CNTNAP3: variants seen among roughly 807,000 people sequenced by gnomAD.
The protein encoded by CNTNAP3 is contactin-associated protein-like 3.
In CNTNAP3, 36 loss-of-function variants were observed where a neutral mutation model predicts 92.1. The ratio of observed to expected loss-of-function variants is 0.39; its 90% CI spans 0.30 to 0.52. CNTNAP3 has a LOEUF of 0.52. CNTNAP3 is among the 20% of genes least tolerant of loss of function. The pLI is 0.76. For missense variants in CNTNAP3, 534 were observed against 1,069.6 expected (o/e 0.50, Z 6.98); for synonymous variants, 232 against 422.3 (o/e 0.55, Z 5.53).
intron 16 of CNTNAP3, 62 bp downstream of exon 16, chr9:39,103,682 A>C (rs1826523153): frequency 2.0e-6 from 3 of 1,496,798 alleles, no homozygotes; most frequent in Non-Finnish European, 1.8e-6. Flanking sequence ...CATTTTGTTG[A>C]GTTAAAGCTT....
At chr9:39,134,569 C>A (rs966407097) in intron 12 of CNTNAP3, among the ~76,000 whole-genome samples, 7 of 152,066 alleles carry the variant, frequency 4.6e-5, no homozygotes, top group Non-Finnish European at 1.0e-4. Context: ...GGACTACAGG[C>A]ACACACCACC....
At chr9:39,117,054 G>A (rs537532942) in intron 14 of CNTNAP3, among the ~76,000 whole-genome samples, 3 of 151,982 alleles carry the variant, frequency 2.0e-5, no homozygotes, top group South Asian at 2.1e-4. Context: ...GTGCAGTGGC[G>A]CGATCTCGGC....
chr9:39,148,088 G>A (rs1469371435), intron 10 of CNTNAP3, among the ~76,000 whole-genome samples: 7 of 151,964 alleles, frequency 4.6e-5, no homozygotes, highest in Non-Finnish European at 1.0e-4. Flanking sequence ...ATTATATTAA[G>A]TGAGCAAATG....
chr9:39,159,357 T>A (rs1249196024), intron 9 of CNTNAP3: 9 of 136,792 alleles, frequency 6.6e-5, no homozygotes, highest in Admixed American at 5.1e-4. Flanking sequence ...ATATATATAT[T>A]TTAAAAATAT....
rs1327066314 is a variant in CNTNAP3, at chr9:39,065,759, T to C, written c.*8131A>G. On this transcript the variant is annotated 3_prime_UTR_variant, in exon 24 of 24. Coordinates refer to ENST00000297668, the MANE Select transcript of CNTNAP3 (RefSeq NM_033655.5). Reference sequence around the variant, plus strand: ...TTTGTGTGCTTTTTGTCCACTGGCCTAGCACTTTTCGTCATTTTTTCTTAT... The same window carrying C: ...TTTGTGTGCTTTTTGTCCACTGGCCCAGCACTTTTCGTCATTTTTTCTTAT... 1.3e-5 allele frequency among the ~76,000 whole-genome samples: 2 copies of C among 152,258 alleles called. No individual in the cohort carries two copies. The highest frequency in any genetic ancestry group is 4.8e-5 in the African/African-American group (2 of 41,476).
intron 18 of CNTNAP3, among the ~76,000 whole-genome samples, chr9:39,089,793 T>A (rs1362895261): frequency 6.6e-6 from 1 of 152,208 alleles, no homozygotes; most frequent in African/African-American, 2.4e-5. Context: ...GTGACTTTGA[T>A]TGCCTACTGG....
chr9:39,079,637 T>C (rs1361332440), intron 21 of CNTNAP3, among the ~76,000 whole-genome samples: 2 of 145,766 alleles, frequency 1.4e-5, no homozygotes, highest in Non-Finnish European at 3.0e-5. Context: ...CTATATCTGA[T>C]TTTATTTTTT....
chr9:39,086,767 C>T lies in CNTNAP3; in HGVS notation c.3303G>A (p.Gly1101=). The T allele has an allele frequency of 1.2e-6, 2 of 1,610,964 alleles. No homozygotes were observed. Among genetic ancestry groups the T allele is most frequent in the South Asian group, 2.2e-5 (2 of 90,918 alleles). ...FTFDFKNMAD[G]QLHQVKINRE... ...TGTTAATCTTCACTTGGTGAAGTTGCCCATCAGCCATGTTTTTAAAATCAA... is the reference window on the plus strand; with the variant it reads ...TGTTAATCTTCACTTGGTGAAGTTGTCCATCAGCCATGTTTTTAAAATCAA... Residue 1101 remains glycine, a synonymous_variant, in exon 20 of 24, where the codon GGG becomes GGA. Transcript: ENST00000297668.
chr9:39,087,030 T>G (rs1450495817), intron 19 of CNTNAP3, among the ~76,000 whole-genome samples, 181 bp from the exon 20 acceptor site: 1 of 152,014 alleles, frequency 6.6e-6, no homozygotes, highest in Non-Finnish European at 1.5e-5. Context: ...GCTATTCCTG[T>G]GCCAGACTCT....
rs1470971157 is a variant in CNTNAP3, at chr9:39,132,815, C to T, written c.2080+117G>A. ...GAAGAGAAGGAGAGAGTGGTCAGGG[C>T]TTTGAACTAAGAGCCACGGGAGGGA... is the stretch of plus-strand genomic sequence containing the variant. On this transcript the variant is annotated intron_variant, in intron 13 of 23. Transcript: ENST00000297668. The T allele has an allele frequency of 1.6e-5, 20 of 1,223,250 alleles. No individual in the cohort carries two copies. The Admixed American group carries it at 2.2e-4, about 14-fold the overall frequency. The allele number at this position is 1,223,250 out of a possible 1,614,324, so 75.8% of individuals were successfully genotyped here. A position where few individuals can be genotyped will look rare whatever the true frequency, so the allele number is the denominator to read the frequency against.
At position 39,157,570 on chromosome 9, in the gene CNTNAP3, T is replaced by G. The variant is rs1453294441; in HGVS notation, c.1478-7593A>C. Among the ~76,000 whole-genome samples, 2 of 92,752 alleles carry G rather than the reference T, an allele frequency of 2.2e-5. 1 individual carries two copies. The highest frequency in any genetic ancestry group is 4.8e-5 in the Non-Finnish European group (2 of 42,094). The allele number at this position is 92,752 out of a possible 152,430, so 60.8% of individuals were successfully genotyped here. On this transcript the variant is annotated intron_variant, in intron 9 of 23. Coordinates refer to ENST00000297668, the MANE Select transcript of CNTNAP3 (RefSeq NM_033655.5). ...ACCATGTTAGCCACGATGGTCTCAA[T>G]CTCTTGACCTTGTGATCCACCCGCC...
At chr9:39,109,139 C>G in intron 15 of CNTNAP3, 21 bp downstream of exon 15, 2 of 1,599,570 alleles carry the variant, frequency 1.3e-6, no homozygotes, top group Non-Finnish European at 8.5e-7. Flanking sequence ...GAAAATAAAG[C>G]TTTTTCTTGA....
rs1022109162 is a variant in CNTNAP3 at position 39,091,451 on chromosome 9, A to C, written c.2996-2804T>G. On this transcript the variant is annotated intron_variant, in intron 18 of 23. Transcript: ENST00000297668. ...AAATGACTTTTCTGCATCAGTAGAGACTATCATGTGTTTCTGTCCTTTATT... is the reference window on the plus strand; with the variant it reads ...AAATGACTTTTCTGCATCAGTAGAGCCTATCATGTGTTTCTGTCCTTTATT... 5.3e-5 allele frequency among the ~76,000 whole-genome samples: 8 copies of C among 152,248 alleles called. No homozygotes were observed. In the East Asian group the frequency reaches 7.7e-4, roughly 15 times the overall value.
intron 14 of CNTNAP3, among the ~76,000 whole-genome samples, chr9:39,117,580 C>T (rs1239103053): frequency 6.6e-6 from 1 of 152,126 alleles, no homozygotes; most frequent in Non-Finnish European, 1.5e-5. Context: ...ACAGTTGGTG[C>T]TTGAAGCTTT....
intron 23 of CNTNAP3, among the ~76,000 whole-genome samples, chr9:39,077,270 T>G (rs2118374481): frequency 6.6e-6 from 1 of 152,250 alleles, no homozygotes; most frequent in African/African-American, 2.4e-5. Context: ...AAATAATGTG[T>G]GCCTTTAAAA....
At chr9:39,111,575 C>T (rs1826749018) in intron 14 of CNTNAP3, among the ~76,000 whole-genome samples, 1 of 152,128 alleles carries the variant, frequency 6.6e-6, no homozygotes, top group Non-Finnish European at 1.5e-5. Flanking sequence ...AGAAATATGT[C>T]TCCTGCTGAA....
At position 39,103,799 on chromosome 9, in the gene CNTNAP3, G is replaced by A. The variant is rs145100345; in HGVS notation, c.2481C>T (p.Ser827=). The A allele has an allele frequency of 1.0e-3, 1,637 of 1,609,478 alleles. 5 individuals are homozygous for A. The highest frequency in any genetic ancestry group is 2.0e-3 in the Admixed American group (120 of 59,924). Reference sequence around the variant, plus strand: ...TCCCCAGGTTCTCCATAAACACCCCGGAGGAAACTGTGGTCTTAAAAAAGA... The same window carrying A: ...TCCCCAGGTTCTCCATAAACACCCCAGAGGAAACTGTGGTCTTAAAAAAGA... ...VCFFFKTTVS[S]GVFMENLGIT... is the part of the protein sequence containing the mutation. The change falls in exon 16 of 24, where the codon TCC becomes TCT. Residue 827 remains serine, a synonymous_variant. Coordinates refer to ENST00000297668, the MANE Select transcript of CNTNAP3 (RefSeq NM_033655.5).
intron 3 of CNTNAP3, among the ~76,000 whole-genome samples, chr9:39,214,135 T>TA (rs1822631224): frequency 1.5e-5 from 1 of 66,202 alleles, no homozygotes; most frequent in African/African-American, 3.1e-5. Flanking sequence ...AGTTTAAATA[T>TA]AAAAAAAATT....
At chr9:39,114,251 A>AT (rs1188770900) in intron 14 of CNTNAP3, among the ~76,000 whole-genome samples, 2 of 151,018 alleles carry the variant, frequency 1.3e-5, no homozygotes, top group Non-Finnish European at 1.5e-5. Context: ...CCTGGCTAAT[A>AT]TTTTTTGTAT....
Sources: allele counts gnomAD v4.1 joint callset (sites outside exome capture counted in the v4.1 genomes callset), GRCh38; gene constraint gnomAD v4.1.1; transcripts MANE v1.5; gene names NCBI Gene and HGNC (gene_info 2026-07-23, HGNC 2026-07-21).